Variants in IGF1R observed in about 807,000 individuals in gnomAD.
The protein encoded by IGF1R is insulin-like growth factor 1 receptor.
IGF1R carries 44 observed loss-of-function variants against 144.6 expected under a neutral mutation model. That is an observed-to-expected ratio of 0.30 (90% CI 0.24 to 0.39). IGF1R has a LOEUF of 0.39. IGF1R is among the 10% of genes least tolerant of loss of function. The probability of loss-of-function intolerance (pLI) is 1.00; values close to 1 mark genes in which losing one functional copy is unlikely to be tolerated. For missense variants in IGF1R, 1,355 were observed against 1,833.7 expected, an observed-to-expected ratio of 0.74 and a Z score of 4.77; for synonymous variants, 795 against 722.8, an observed-to-expected ratio of 1.10 and a Z score of -1.60.
intron 10 of IGF1R, among the ~76,000 whole-genome samples, chr15:98,918,917 G>A (rs1420344362): frequency 6.6e-6 from 1 of 152,042 alleles, no homozygotes; most frequent in African/African-American, 2.4e-5. Context: ...AAGGGCCTGC[G>A]AGGCCCTCAT....
intron 2 of IGF1R, among the ~76,000 whole-genome samples, chr15:98,729,663 A>G (rs2054452701): frequency 6.6e-6 from 1 of 151,796 alleles, no homozygotes; most frequent in Non-Finnish European, 1.5e-5. Flanking sequence ...CCCTGGAGAC[A>G]GTATCTGGGG....
intron 2 of IGF1R, among the ~76,000 whole-genome samples, chr15:98,883,191 A>G (rs2013465869): frequency 2.0e-5 from 3 of 152,320 alleles, no homozygotes; most frequent in Admixed American, 2.0e-4. Flanking sequence ...TTGCCACTTG[A>G]ACTTTCTTTT....
chr15:98,803,398 G>T (rs533262812), intron 2 of IGF1R, among the ~76,000 whole-genome samples: 45 of 152,314 alleles, frequency 3.0e-4, no homozygotes, highest in African/African-American at 9.9e-4. Context: ...AGGCTTGCAG[G>T]ACCAGAAGTT....
chr15:98,937,881 C>G (rs1053975344), intron 17 of IGF1R, among the ~76,000 whole-genome samples: 1 of 152,186 alleles, frequency 6.6e-6, no homozygotes, highest in African/African-American at 2.4e-5. Flanking sequence ...ATGCATCACA[C>G]GTATCTAAAG....
intron 2 of IGF1R, among the ~76,000 whole-genome samples, chr15:98,794,496 T>TCA (rs1327907736): frequency 2.6e-5 from 4 of 152,202 alleles, no homozygotes; most frequent in African/African-American, 9.7e-5. Flanking sequence ...GTTAACAGCA[T>TCA]CATGATTCTC....
At chr15:98,889,393 C>G (rs1272886793) in intron 2 of IGF1R, among the ~76,000 whole-genome samples, 1 of 152,158 alleles carries the variant, frequency 6.6e-6, no homozygotes, top group Non-Finnish European at 1.5e-5. Context: ...TACAAACTTT[C>G]TAGAGGACAG....
At chr15:98,720,130 G>A (rs1367937430) in intron 2 of IGF1R, among the ~76,000 whole-genome samples, 1 of 152,126 alleles carries the variant, frequency 6.6e-6, no homozygotes, top group Non-Finnish European at 1.5e-5. Flanking sequence ...AACTCCAGTC[G>A]CAAAATCCCT....
At chr15:98,827,788 G>C (rs1229014491) in intron 2 of IGF1R, among the ~76,000 whole-genome samples, 4 of 152,094 alleles carry the variant, frequency 2.6e-5, no homozygotes, top group Non-Finnish European at 4.4e-5. Context: ...TCACCATGTT[G>C]GTTAGGCTGG....
At chr15:98,800,669 G>T (rs529636430) in intron 2 of IGF1R, among the ~76,000 whole-genome samples, 100 of 152,214 alleles carry the variant, frequency 6.6e-4, no homozygotes, top group African/African-American at 2.3e-3. Flanking sequence ...GGAGACTGCA[G>T]CAAACTTCTC....
chr15:98,788,565 T>C (rs1412099774), intron 2 of IGF1R, among the ~76,000 whole-genome samples: 1 of 152,220 alleles, frequency 6.6e-6, no homozygotes, highest in Non-Finnish European at 1.5e-5. Flanking sequence ...GCTTCCCTGT[T>C]TGGGGGAGTC....
intron 13 of IGF1R, among the ~76,000 whole-genome samples, chr15:98,926,767 G>T (rs1314368844): frequency 1.3e-5 from 2 of 152,256 alleles, no homozygotes; most frequent in Non-Finnish European, 2.9e-5. Context: ...CAGGTTTTTA[G>T]GGGTAAATGG....
At chr15:98,683,290 A>G (rs911589671) in intron 1 of IGF1R, among the ~76,000 whole-genome samples, 1 of 152,126 alleles carries the variant, frequency 6.6e-6, no homozygotes, top group African/African-American at 2.4e-5. Context: ...TGATTCCTCA[A>G]GTGGTCTGGC....
intron 1 of IGF1R, among the ~76,000 whole-genome samples, chr15:98,702,604 A>T (rs1238603445): frequency 1.3e-5 from 2 of 152,198 alleles, no homozygotes; most frequent in Non-Finnish European, 2.9e-5. Context: ...CTGGGACTGC[A>T]GGCATGAACC....
intron 2 of IGF1R, among the ~76,000 whole-genome samples, chr15:98,833,683 C>G (rs1049290190): frequency 3.3e-5 from 5 of 152,174 alleles, no homozygotes; most frequent in African/African-American, 1.2e-4. Context: ...CACAGATACC[C>G]AAGCTTATAT....
At chr15:98,899,730 A>C in intron 5 of IGF1R, 109 bp downstream of exon 5, 2 of 1,129,308 alleles carry the variant, frequency 1.8e-6, no homozygotes, top group Non-Finnish European at 2.6e-6. Context: ...AAAGAGAAGA[A>C]AGGAGGAAGC....
At chr15:98,847,974 G>A (rs927832686) in intron 2 of IGF1R, among the ~76,000 whole-genome samples, 2 of 152,148 alleles carry the variant, frequency 1.3e-5, no homozygotes, top group Non-Finnish European at 2.9e-5. Flanking sequence ...ATATAACCGG[G>A]CCCTGGGACC....
chr15:98,899,450 C>G (rs763235471), intron 4 of IGF1R, 27 bp from the exon 5 acceptor site: 2 of 1,612,666 alleles, frequency 1.2e-6, no homozygotes, highest in East Asian at 4.5e-5. Flanking sequence ...AGTGAGCACA[C>G]AGTGACACAA....
At chr15:98,681,833 A>C (rs183575551) in intron 1 of IGF1R, among the ~76,000 whole-genome samples, 74 of 152,324 alleles carry the variant, frequency 4.9e-4, no homozygotes, top group African/African-American at 1.8e-3. Context: ...CCCTGGTGTC[A>C]TCTGAATTTT....
At chr15:98,780,571 AAAAAGAGAG>A (rs751749198) in intron 2 of IGF1R, among the ~76,000 whole-genome samples, 36,151 of 75,884 alleles carry the variant, frequency 0.48, 10,720 homozygotes, top group Non-Finnish European at 0.67. Context: ...AAAAAAAAAA[AAAAAGAGAG>A]AGAGAGTAAA....
Sources: allele counts gnomAD v4.1 joint callset (sites outside exome capture counted in the v4.1 genomes callset), GRCh38; gene constraint gnomAD v4.1.1; transcripts MANE v1.5; gene names NCBI Gene and HGNC (gene_info 2026-07-23, HGNC 2026-07-21).